The following MTMR8 variants were observed in gnomAD, a reference collection of about 807,000 sequenced individuals.
MTMR8 encodes myotubularin related protein 8, also known as phosphatidylinositol-3,5-bisphosphate 3-phosphatase MTMR8.
MTMR8 carries 65 observed loss-of-function variants against 39.3 expected under a neutral mutation model. That is an observed-to-expected ratio of 1.65 (90% confidence interval 1.35 to 2.03). The LOEUF is 2.03. Ranked by LOEUF, MTMR8 falls within the 30% of genes most tolerant of loss-of-function variation. The pLI, the probability that MTMR8 is intolerant of heterozygous loss-of-function variation, is 0.00. For synonymous variants in MTMR8, 245 were observed against 185.2 expected (o/e 1.32, Z -2.62); for missense variants, 777 against 538.9 (o/e 1.44, Z -4.37).
At chrX:64,365,945 G>A (rs1018290129) in intron 1 of MTMR8, among the ~76,000 whole-genome samples, 4 of 111,401 alleles carry the variant, frequency 3.6e-5, no homozygotes, top group Non-Finnish European at 5.7e-5. Flanking sequence ...GCAAAAAAAA[G>A]CAGGGGTTAC....
intron 12 of MTMR8, among the ~76,000 whole-genome samples, chrX:64,322,965 C>A (rs985872008): frequency 1.8e-5 from 2 of 112,802 alleles, no homozygotes; most frequent in Admixed American, 9.3e-5. Context: ...GCACAGTCAG[C>A]ACACTCACCA....
At chrX:64,316,618 A>C (rs1186100275) in intron 12 of MTMR8, among the ~76,000 whole-genome samples, 3 of 111,687 alleles carry the variant, frequency 2.7e-5, no homozygotes, top group African/African-American at 9.8e-5. Context: ...AATGCACACC[A>C]GCCTGGGTGA....
intron 12 of MTMR8, among the ~76,000 whole-genome samples, chrX:64,308,159 A>C (rs1209830853): frequency 9.1e-6 from 1 of 110,303 alleles, no homozygotes; most frequent in Non-Finnish European, 1.9e-5. Flanking sequence ...AATAATAATA[A>C]TAAAAATAAA....
At chrX:64,347,112 A>G (rs1417901155) in intron 6 of MTMR8, among the ~76,000 whole-genome samples, 2 of 110,925 alleles carry the variant, frequency 1.8e-5, no homozygotes, top group Admixed American at 9.6e-5. Context: ...TGACTCCTAG[A>G]ACAAAATTTT....
At chrX:64,285,493 A>T (rs762595283) in intron 12 of MTMR8, among the ~76,000 whole-genome samples, 56 of 111,065 alleles carry the variant, frequency 5.0e-4, no homozygotes, top group East Asian at 1.1e-3. Flanking sequence ...TCTACAGAAC[A>T]CTCCACCCCA....
chrX:64,394,451 A>G (rs768034472), intron 1 of MTMR8, among the ~76,000 whole-genome samples: 1 of 112,071 alleles, frequency 8.9e-6, no homozygotes, highest in East Asian at 2.8e-4. Context: ...TGCTCTTTCC[A>G]TTAAAAACAC....
At chrX:64,279,184 CT>C (rs979893065) in intron 12 of MTMR8, among the ~76,000 whole-genome samples, 12 of 111,961 alleles carry the variant, frequency 1.1e-4, no homozygotes, top group Non-Finnish European at 2.1e-4. Flanking sequence ...CCCCTTCCCC[CT>C]AACACTTCTC....
chrX:64,328,394 TG>T (rs1922854079), intron 12 of MTMR8, among the ~76,000 whole-genome samples: 1 of 111,832 alleles, frequency 8.9e-6, no homozygotes, highest in African/African-American at 3.2e-5. Flanking sequence ...GCAGAAGCTT[TG>T]GAAAAATATA....
intron 2 of MTMR8, among the ~76,000 whole-genome samples, 184 bp from the exon 3 acceptor site, chrX:64,356,522 G>A (rs940115543): frequency 1.8e-5 from 2 of 110,620 alleles, no homozygotes; most frequent in African/African-American, 6.6e-5. Context: ...CATAATAGTG[G>A]TAAAGCAACA....
chrX:64,368,964 C>T (rs1002145830), intron 1 of MTMR8, among the ~76,000 whole-genome samples: 5 of 112,479 alleles, frequency 4.4e-5, no homozygotes, highest in African/African-American at 1.6e-4. Flanking sequence ...TGAACAGACA[C>T]TTCTCAAAAG....
chrX:64,355,083 T>C, intron 3 of MTMR8, 149 bp from the exon 4 acceptor site: 1 of 413,417 alleles, frequency 2.4e-6, no homozygotes, highest in Non-Finnish European at 3.8e-6. Flanking sequence ...CAAGTTTGCC[T>C]TTATGTAAGG....
chrX:64,350,023 G>T lies in MTMR8; in HGVS notation c.516C>A (p.Thr172=), dbSNP rs772945174. The change falls in exon 5 of 14, where the codon ACC becomes ACA. Residue 172 remains threonine (T), a synonymous_variant. Coordinates refer to ENST00000374852, the MANE Select transcript of MTMR8 (RefSeq NM_017677.4). Reference sequence around the variant, plus strand: ...TTGAACTTCCAACCACCGTTCCCAAGGTAACAGATTTAGGAACCACTATTT... The same window carrying T: ...TTGAACTTCCAACCACCGTTCCCAATGTAACAGATTTAGGAACCACTATTT... ...PPEIVVPKSV[T]LGTVVGSSKF... 3.4e-6 allele frequency: 4 copies of T among 1,188,782 alleles called. No individual in the cohort carries two copies. Among genetic ancestry groups the T allele is most frequent in the African/African-American group, 1.8e-5 (1 of 56,151 alleles).
intron 2 of MTMR8, among the ~76,000 whole-genome samples, chrX:64,356,776 A>C (rs1373839610): frequency 2.7e-5 from 3 of 111,241 alleles, no homozygotes; most frequent in Non-Finnish European, 5.7e-5. Flanking sequence ...GTCCATGACC[A>C]TTAGCTATTT....
At chrX:64,331,068 T>C (rs1922926614) in intron 11 of MTMR8, among the ~76,000 whole-genome samples, 1 of 111,260 alleles carries the variant, frequency 9.0e-6, no homozygotes, top group Admixed American at 9.5e-5. Flanking sequence ...ACTAAAGAAC[T>C]CATTCATGTA....
intron 12 of MTMR8, among the ~76,000 whole-genome samples, chrX:64,285,643 A>G (rs1322035633): frequency 4.5e-5 from 5 of 112,305 alleles, no homozygotes; most frequent in African/African-American, 6.5e-5. Context: ...CCACAGTCCA[A>G]TCAAACTAGA....
chrX:64,310,383 A>G (rs1922258370), intron 12 of MTMR8, among the ~76,000 whole-genome samples: 1 of 111,416 alleles, frequency 9.0e-6, no homozygotes, highest in Non-Finnish European at 1.9e-5. Context: ...ATCTGCCGTT[A>G]TATCCTCCAC....
intron 12 of MTMR8, among the ~76,000 whole-genome samples, chrX:64,302,360 C>T (rs1280355040): frequency 1.8e-5 from 2 of 112,275 alleles, no homozygotes; most frequent in Non-Finnish European, 3.8e-5. Flanking sequence ...TTCTTTGATT[C>T]GGAAAGGGAA....
At chrX:64,276,041 C>T (rs1434639276) in intron 12 of MTMR8, among the ~76,000 whole-genome samples, 4 of 111,862 alleles carry the variant, frequency 3.6e-5, no homozygotes, top group Admixed American at 2.8e-4. Flanking sequence ...AGAATTAATG[C>T]TTTTTAAATT....
At chrX:64,294,177 C>T (rs768200904) in intron 12 of MTMR8, among the ~76,000 whole-genome samples, 14 of 111,871 alleles carry the variant, frequency 1.3e-4, no homozygotes, top group South Asian at 1.1e-3. Context: ...TAAATAAGAG[C>T]ACCTTTTTAT....
Sources: allele counts gnomAD v4.1 joint callset (sites outside exome capture counted in the v4.1 genomes callset), GRCh38; gene constraint gnomAD v4.1.1; transcripts MANE v1.5; gene names NCBI Gene and HGNC (gene_info 2026-07-23, HGNC 2026-07-21).